SLC9A9: variants seen among roughly 807,000 people sequenced by gnomAD.
The protein encoded by SLC9A9 is sodium/hydrogen exchanger 9.
In SLC9A9, 62 loss-of-function variants were observed where a neutral mutation model predicts 77.8. That is an observed-to-expected ratio of 0.80 (90% CI 0.65 to 0.98). The LOEUF is 0.98. SLC9A9 is among the 50% of genes least tolerant of loss of function. The pLI is 0.00. For synonymous variants in SLC9A9, 320 were observed against 283.5 expected (o/e 1.13, Z -1.29); for missense variants, 775 against 774.9 (o/e 1.00, Z 0.00).
At chr3:143,649,224 T>A (rs1413443568) in intron 6 of SLC9A9, among the ~76,000 whole-genome samples, 1 of 152,220 alleles carries the variant, frequency 6.6e-6, no homozygotes, top group Non-Finnish European at 1.5e-5. Flanking sequence ...ATCTTTTGCC[T>A]TCCTTCAATA....
intron 6 of SLC9A9, among the ~76,000 whole-genome samples, chr3:143,606,458 ATATG>A: frequency 6.9e-6 from 1 of 144,488 alleles, no homozygotes. Context: ...ATATATATAT[ATATG>A]TATATAAAAC....
At chr3:143,731,269 A>C (rs1304531782) in intron 4 of SLC9A9, among the ~76,000 whole-genome samples, 1 of 152,220 alleles carries the variant, frequency 6.6e-6, no homozygotes, top group Non-Finnish European at 1.5e-5. Flanking sequence ...TGTTAGCAGC[A>C]GGGAGGAAGA....
intron 6 of SLC9A9, among the ~76,000 whole-genome samples, chr3:143,635,542 C>T (rs2038506196): frequency 6.6e-6 from 1 of 152,190 alleles, no homozygotes; most frequent in Admixed American, 6.5e-5. Context: ...AGAAAAACCC[C>T]CGAAGTTGCG....
chr3:143,273,091 A>G (rs1287787430), intron 14 of SLC9A9, among the ~76,000 whole-genome samples: 2 of 152,252 alleles, frequency 1.3e-5, no homozygotes, highest in Non-Finnish European at 2.9e-5. Flanking sequence ...ACTTTAAATC[A>G]TCATGTTTTG....
At chr3:143,292,181 G>T (rs2030027885) in intron 14 of SLC9A9, among the ~76,000 whole-genome samples, 1 of 152,204 alleles carries the variant, frequency 6.6e-6, no homozygotes, top group African/African-American at 2.4e-5. Context: ...GCCCCTCGCT[G>T]GGTGCTGACA....
chr3:143,518,271 T>G, intron 9 of SLC9A9: 2 of 1,449,456 alleles, frequency 1.4e-6, no homozygotes, highest in Non-Finnish European at 1.9e-6. Flanking sequence ...TGCAGCCCGG[T>G]TCCAGGCCCA....
At chr3:143,333,371 A>ATTGT (rs2031832229) in intron 14 of SLC9A9, among the ~76,000 whole-genome samples, 1 of 152,134 alleles carries the variant, frequency 6.6e-6, no homozygotes, top group Non-Finnish European at 1.5e-5. Context: ...AATTATTTGG[A>ATTGT]TTGTTTCAGA....
At chr3:143,294,912 T>G (rs2030181249) in intron 14 of SLC9A9, among the ~76,000 whole-genome samples, 1 of 152,238 alleles carries the variant, frequency 6.6e-6, no homozygotes, top group Admixed American at 6.5e-5. Context: ...ATAATTTCAA[T>G]TAATGCTTAT....
In SLC9A9 at chr3:143,670,138, C is replaced by G. The variant is rs567964156; in HGVS notation, c.650-17778G>C. Among the ~76,000 whole-genome samples, 22 of 152,284 alleles carry G rather than the reference C, an allele frequency of 1.4e-4. No homozygotes were observed. In the East Asian group the frequency reaches 4.2e-3, roughly 29 times the overall value. On this transcript the variant is annotated intron_variant, in intron 5 of 15. Transcript: ENST00000316549. ...GGAAAGAACAGTTCCTATTCTGTGT[C>G]CATTTACTTTGTCTTTCTGAGTCTT...
chr3:143,377,129 C>A (rs1237850825), intron 13 of SLC9A9, among the ~76,000 whole-genome samples: 2 of 152,148 alleles, frequency 1.3e-5, no homozygotes, highest in Non-Finnish European at 1.5e-5. Context: ...CATGATGACC[C>A]CACTATCTGC....
intron 6 of SLC9A9, among the ~76,000 whole-genome samples, chr3:143,599,734 G>A (rs566339455): frequency 1.3e-5 from 2 of 152,070 alleles, no homozygotes; most frequent in Admixed American, 6.5e-5. Context: ...AACAAAATAT[G>A]TAATGAACTT....
At chr3:143,397,674 G>A (rs979639866) in intron 12 of SLC9A9, among the ~76,000 whole-genome samples, 2 of 152,082 alleles carry the variant, frequency 1.3e-5, no homozygotes, top group Admixed American at 6.6e-5. Flanking sequence ...TGCCATTAAA[G>A]ACCATGCTTG....
At chr3:143,845,585 C>A (rs1181463646) in intron 1 of SLC9A9, among the ~76,000 whole-genome samples, 2 of 152,218 alleles carry the variant, frequency 1.3e-5, no homozygotes, top group East Asian at 3.9e-4. Context: ...GCACATGGAC[C>A]AGTCATGAGT....
intron 6 of SLC9A9, among the ~76,000 whole-genome samples, chr3:143,636,272 A>C (rs950239187): frequency 6.6e-6 from 1 of 152,338 alleles, no homozygotes; most frequent in East Asian, 1.9e-4. Flanking sequence ...TATTATGAAT[A>C]AAACTGTTTT....
At chr3:143,799,057 C>G (rs972595941) in intron 2 of SLC9A9, among the ~76,000 whole-genome samples, 1 of 152,158 alleles carries the variant, frequency 6.6e-6, no homozygotes, top group Non-Finnish European at 1.5e-5. Flanking sequence ...CTAGTCCTCC[C>G]CCACCTGCCC....
intron 14 of SLC9A9, among the ~76,000 whole-genome samples, chr3:143,360,657 T>A (rs2032724254): frequency 1.3e-5 from 2 of 152,228 alleles, no homozygotes; most frequent in Admixed American, 6.5e-5. Flanking sequence ...GGTATGTATG[T>A]ACTACTTATG....
intron 4 of SLC9A9, among the ~76,000 whole-genome samples, chr3:143,758,458 T>C (rs751597093): frequency 2.6e-5 from 4 of 152,198 alleles, no homozygotes; most frequent in South Asian, 2.1e-4. Context: ...TTAATGGCTG[T>C]AGACATTCCC....
intron 4 of SLC9A9, among the ~76,000 whole-genome samples, chr3:143,774,942 T>C (rs1166979063): frequency 6.6e-6 from 1 of 152,152 alleles, no homozygotes; most frequent in Non-Finnish European, 1.5e-5. Flanking sequence ...CCCACAGTAG[T>C]GCTCCACCAC....
chr3:143,541,082 C>T (rs1341489477), intron 9 of SLC9A9, among the ~76,000 whole-genome samples: 1 of 152,162 alleles, frequency 6.6e-6, no homozygotes, highest in East Asian at 1.9e-4. Flanking sequence ...CCCCCACCAC[C>T]ACTTCAAAAT....
Sources: allele counts gnomAD v4.1 joint callset (sites outside exome capture counted in the v4.1 genomes callset), GRCh38; gene constraint gnomAD v4.1.1; transcripts MANE v1.5; gene names NCBI Gene and HGNC (gene_info 2026-07-23, HGNC 2026-07-21).